The following TTC28 variants were observed in gnomAD, a reference collection of about 807,000 sequenced individuals.
TTC28 encodes the protein tetratricopeptide repeat domain 28.
TTC28 carries 61 observed loss-of-function variants against 198.0 expected under a neutral mutation model. The observed-to-expected ratio is 0.31, with a 90% CI of 0.25 to 0.38. The LOEUF is 0.38. Ranked by LOEUF, TTC28 falls within the 10% of genes least tolerant of loss-of-function variation. The pLI is 1.00. For missense variants in TTC28, 2,678 were observed against 3,164.0 expected, an observed-to-expected ratio of 0.85 and a Z score of 3.69; for synonymous variants, 1,171 against 1,297.8, an observed-to-expected ratio of 0.90 and a Z score of 2.10.
chr22:28,277,777 C>T (rs554672135), intron 5 of TTC28, among the ~76,000 whole-genome samples: 31 of 152,218 alleles, frequency 2.0e-4, no homozygotes, highest in Admixed American at 1.1e-3. Flanking sequence ...TTCTCATCTA[C>T]AAAGCAGAAA....
intron 2 of TTC28, among the ~76,000 whole-genome samples, chr22:28,307,014 T>C (rs1263487837): frequency 6.6e-6 from 1 of 152,212 alleles, no homozygotes; most frequent in Non-Finnish European, 1.5e-5. Context: ...CCTAAGTATC[T>C]AGTACAGTGC....
At chr22:28,124,195 G>GTTGT (rs1555919214) in intron 6 of TTC28, among the ~76,000 whole-genome samples, 3 of 150,484 alleles carry the variant, frequency 2.0e-5, no homozygotes, top group East Asian at 2.0e-4. Context: ...TGTTGTTGTT[G>GTTGT]TTGTTTGTTT....
chr22:28,611,708 T>C (rs2050822953), intron 2 of TTC28, among the ~76,000 whole-genome samples: 2 of 135,832 alleles, frequency 1.5e-5, no homozygotes, highest in Admixed American at 1.6e-4. Context: ...CCTTCCTGTG[T>C]CCATGTGATC....
At chr22:28,235,774 AGGATAAACTCCAAAT>A (rs1296936620) in intron 5 of TTC28, among the ~76,000 whole-genome samples, 1 of 152,252 alleles carries the variant, frequency 6.6e-6, no homozygotes, top group Non-Finnish European at 1.5e-5. Context: ...ACTATACACA[AGGATAAACTCCAAAT>A]GGATCATAGA....
intron 2 of TTC28, among the ~76,000 whole-genome samples, chr22:28,536,393 G>A (rs1044099497): frequency 5.3e-5 from 8 of 151,734 alleles, no homozygotes. Context: ...GGGAGGCCGA[G>A]GCGGGCGGAT....
chr22:28,297,597 T>C lies in TTC28; in HGVS notation c.785A>G (p.Asp262Gly), dbSNP rs1380024239. ...KSTGYMQQDLDVAKTLGDQTG... is the reference protein window; with the variant it reads ...KSTGYMQQDLGVAKTLGDQTG... ...CACTCTACCTAAGGTCTTGGCTACA[T>C]CCAAGTCCTGCTGCATATATCCGGT... Residue 262 changes from aspartate to glycine, a missense_variant, in exon 4 of 23, where the codon GAT (aspartate) becomes GGT (glycine). This residue lies in a region of TTC28 where 775 missense variants were observed against 845.9 expected (regional missense o/e 0.92). Transcript: ENST00000397906. The C allele has an allele frequency of 2.6e-6, 4 of 1,551,526 alleles. No individual in the cohort carries two copies. Among genetic ancestry groups the C allele is most frequent in the Non-Finnish European group, 3.5e-6 (4 of 1,146,874 alleles).
intron 5 of TTC28, among the ~76,000 whole-genome samples, chr22:28,173,316 T>C (rs1371070488): frequency 1.3e-5 from 2 of 152,124 alleles, no homozygotes; most frequent in African/African-American, 2.4e-5. Context: ...CCACTATCTA[T>C]GGGGAATCAC....
At chr22:28,591,427 T>C (rs2050434243) in intron 2 of TTC28, among the ~76,000 whole-genome samples, 1 of 152,164 alleles carries the variant, frequency 6.6e-6, no homozygotes. Flanking sequence ...TGTTTGATTC[T>C]CATACCAAGC....
chr22:28,579,273 G>A (rs900610478), intron 2 of TTC28, among the ~76,000 whole-genome samples: 4 of 148,972 alleles, frequency 2.7e-5, no homozygotes, highest in Non-Finnish European at 3.0e-5. Context: ...AGCTATATAC[G>A]TATATAACCA....
intron 2 of TTC28, among the ~76,000 whole-genome samples, chr22:28,344,256 A>G (rs1448627961): frequency 1.3e-5 from 2 of 151,972 alleles, no homozygotes; most frequent in Non-Finnish European, 2.9e-5. Flanking sequence ...ATATTCTCTG[A>G]AGCAACATTA....
At chr22:28,464,813 T>C (rs1430792533) in intron 2 of TTC28, among the ~76,000 whole-genome samples, 2 of 152,232 alleles carry the variant, frequency 1.3e-5, no homozygotes, top group African/African-American at 2.4e-5. Context: ...CCAGAATTTT[T>C]ACATCTATCT....
chr22:28,608,143 A>G (rs997800726), intron 2 of TTC28, among the ~76,000 whole-genome samples: 1 of 152,252 alleles, frequency 6.6e-6, no homozygotes, highest in Non-Finnish European at 1.5e-5. Context: ...CAGTAAAAGC[A>G]GCAAGCTTTG....
At chr22:28,171,036 T>C (rs1922627870) in intron 5 of TTC28, among the ~76,000 whole-genome samples, 1 of 151,588 alleles carries the variant, frequency 6.6e-6, no homozygotes, top group Non-Finnish European at 1.5e-5. Context: ...ACCCTTTTTG[T>C]CTTAAAGGTT....
chr22:28,637,711 T>C (rs1429457878), intron 1 of TTC28, among the ~76,000 whole-genome samples: 2 of 150,612 alleles, frequency 1.3e-5, no homozygotes, highest in African/African-American at 4.9e-5. Context: ...AAAAACAGAA[T>C]GATTGAATGG....
At chr22:28,305,323 G>A (rs1286054411) in intron 3 of TTC28, among the ~76,000 whole-genome samples, 3 of 151,998 alleles carry the variant, frequency 2.0e-5, no homozygotes, top group Non-Finnish European at 4.4e-5. Flanking sequence ...GTCCCCAGGA[G>A]GTTTCAGCCT....
Position 28,613,221 on chromosome 22 carries a change from C to A in TTC28, c.381+16331G>T, listed in dbSNP as rs543425290. On this transcript the variant is annotated intron_variant, in intron 2 of 22. Coordinates refer to ENST00000397906, the MANE Select transcript of TTC28 (RefSeq NM_001145418.2). ...TAGAAGAAATGGATAAATTCCTGGA[C>A]ACATACACCCTCCCAAGACTAAACC... Among the ~76,000 whole-genome samples the A allele has an allele frequency of 1.8e-4, 28 of 152,292 alleles. No individual in the cohort carries two copies. The South Asian group carries it at 5.6e-3, about 30-fold the overall frequency.
At chr22:28,385,048 G>C (rs1468160525) in intron 2 of TTC28, among the ~76,000 whole-genome samples, 1 of 150,232 alleles carries the variant, frequency 6.7e-6, no homozygotes, top group Non-Finnish European at 1.5e-5. Context: ...GGCTGAGGCA[G>C]AAGAATTGCC....
chr22:28,266,971 G>A (rs1011392524), intron 5 of TTC28, among the ~76,000 whole-genome samples: 1 of 152,088 alleles, frequency 6.6e-6, no homozygotes, highest in Non-Finnish European at 1.5e-5. Context: ...TGTTCTCCAG[G>A]TGTTTATAAA....
intron 12 of TTC28, among the ~76,000 whole-genome samples, chr22:28,043,974 C>T (rs377234406): frequency 6.6e-6 from 1 of 152,184 alleles, no homozygotes; most frequent in African/African-American, 2.4e-5. Context: ...GGCCCAATAT[C>T]ATGCCAGAGA....
Sources: allele counts gnomAD v4.1 joint callset (sites outside exome capture counted in the v4.1 genomes callset), GRCh38; gene constraint gnomAD v4.1.1; regional missense constraint gnomAD v4.1.1; transcripts MANE v1.5; gene names NCBI Gene and HGNC (gene_info 2026-07-23, HGNC 2026-07-21).